The following SIGLEC9 variants were observed in gnomAD, a reference collection of about 807,000 sequenced individuals.
SIGLEC9 encodes sialic acid-binding Ig-like lectin 9.
Under a neutral mutation model 38.3 loss-of-function variants are expected in SIGLEC9, and 26 were observed. The observed-to-expected ratio is 0.68, with a 90% CI of 0.50 to 0.94. The LOEUF (loss-of-function observed/expected upper bound fraction) is 0.94. Among genes scored for constraint, SIGLEC9 ranks in the 40% least tolerant of loss-of-function variants. The pLI is 0.00. For synonymous variants in SIGLEC9, 236 were observed against 248.0 expected (o/e 0.95, Z 0.45); for missense variants, 556 against 585.7 (o/e 0.95, Z 0.52).
chr19:51,124,266 C>T (rs537430056), upstream of SIGLEC9, among the ~76,000 whole-genome samples: 2 of 152,288 alleles, frequency 1.3e-5, no homozygotes, highest in African/African-American at 4.8e-5. Context: ...TGTATCAACA[C>T]ATAGAATCCT....
Position 51,125,398 on chromosome 19 carries a change from A to T in SIGLEC9, c.421+3A>T, listed in dbSNP as rs770577253. 6 of 1,576,580 alleles carry T rather than the reference A, an allele frequency of 3.8e-6. No homozygotes were observed. In the African/African-American group the frequency reaches 6.7e-5, roughly 18 times the overall value. ...CCGGCTCTCTGTGAATGTGACAGGT[A>T]AGGCACAGGCTCCAGGAAAGGCCAC... is the stretch of plus-strand genomic sequence containing the variant. On this transcript the variant is annotated splice_donor_region_variant and intron_variant, in intron 1 of 6. Transcript: ENST00000250360.
Position 51,127,284 on chromosome 19 carries a change from G to A in SIGLEC9, c.1003G>A (p.Val335Ile), listed in dbSNP as rs777687821. 11 of 1,611,288 alleles carry A rather than the reference G, an allele frequency of 6.8e-6. No homozygotes were observed. Among genetic ancestry groups the A allele is most frequent in the Middle Eastern group, 1.6e-4 (1 of 6,068 alleles). Residue 335 changes from valine (V) to isoleucine (I), a missense_variant, in exon 4 of 7, where the codon GTC becomes ATC. Coordinates refer to ENST00000250360, the MANE Select transcript of SIGLEC9 (RefSeq NM_014441.3). Reference protein sequence around the residue: ...PLGSQQVYLNVSLQSKATSGV... With the variant: ...PLGSQQVYLNISLQSKATSGV... ...CGGCTCTCAGCAGGTCTACCTGAACGTCTCCCTGCAGAGTGAGTGCACCAG... is the reference window on the plus strand; with the variant it reads ...CGGCTCTCAGCAGGTCTACCTGAACATCTCCCTGCAGAGTGAGTGCACCAG...
downstream of SIGLEC9, among the ~76,000 whole-genome samples, chr19:51,135,017 C>T (rs187202958): frequency 1.2e-4 from 19 of 152,276 alleles, no homozygotes; most frequent in African/African-American, 4.6e-4. Flanking sequence ...GTCTCCTCTG[C>T]GTCTCATGCT....
At chr19:51,123,685 A>G (rs273685), upstream of SIGLEC9, among the ~76,000 whole-genome samples, 19,027 of 152,090 alleles carry the variant, frequency 0.13, 3,989 homozygotes, top group African/African-American at 0.44. Context: ...GTGTTGCGGC[A>G]TCCCCAGTGT....
chr19:51,129,501 A>C (rs375511640), intron 6 of SIGLEC9, among the ~76,000 whole-genome samples: 104 of 151,994 alleles, frequency 6.8e-4, no homozygotes, highest in Middle Eastern at 6.8e-3. Context: ...CTAGGGCAAG[A>C]ACAAGGGTGA....
intron 6 of SIGLEC9, chr19:51,129,062 A>G (rs2091997715): frequency 6.5e-6 from 1 of 152,838 alleles, no homozygotes; most frequent in African/African-American, 2.4e-5. Flanking sequence ...GATATGACTC[A>G]GATACTGTAG....
Position 51,125,760 on chromosome 19 carries a change from C to T in SIGLEC9, c.585C>T (p.Ser195=), listed in dbSNP as rs1171315201. The change falls in exon 2 of 7, where the codon TCC becomes TCT. Residue 195 remains serine (S), a synonymous_variant. Coordinates refer to ENST00000250360, the MANE Select transcript of SIGLEC9 (RefSeq NM_014441.3). ...VSPLDPSTTR[S]SVLTLIPQPQ... Reference sequence around the variant, plus strand: ...CCCTGGACCCCTCCACCACCCGCTCCTCGGTGCTCACCCTCATCCCACAGC... The same window carrying T: ...CCCTGGACCCCTCCACCACCCGCTCTTCGGTGCTCACCCTCATCCCACAGC... 1.2e-6 allele frequency: 2 copies of T among 1,613,968 alleles called. No homozygotes were observed. Among genetic ancestry groups the T allele is most frequent in the African/African-American group, 2.7e-5 (2 of 74,902 alleles).
upstream of SIGLEC9, among the ~76,000 whole-genome samples, chr19:51,124,137 CT>C (rs1488257216): frequency 1.3e-5 from 2 of 152,178 alleles, no homozygotes; most frequent in African/African-American, 4.8e-5. Flanking sequence ...AATATCTTCC[CT>C]TTTGAAATCT....
At position 51,126,998 on chromosome 19, in the gene SIGLEC9, A is replaced by G. The variant is rs200145753; in HGVS notation, c.749-32A>G. On this transcript the variant is annotated intron_variant, in intron 3 of 6. Transcript: ENST00000250360. The stretch of plus-strand genomic sequence containing the variant: ...CCTTCCTTTTTCTCCAGATCTATGT[A>G]TCTCTCTGACCCTCTGTCTCTTTTT... 72 of 1,600,546 alleles carry G rather than the reference A, an allele frequency of 4.5e-5. No homozygotes were observed. The East Asian group carries it at 1.5e-3, about 34-fold the overall frequency.
chr19:51,120,350 C>G (rs529501072), upstream of SIGLEC9: 7 of 152,360 alleles, frequency 4.6e-5, no homozygotes, highest in South Asian at 2.1e-4. This position sits in a 1 kb window ranked among gnomAD's most constrained non-coding sequence, Gnocchi z 4.1. Context: ...AGGAAAGTCC[C>G]AGAAAAGGAG....
At chr19:51,129,644 G>A (rs1449796258) in intron 6 of SIGLEC9, among the ~76,000 whole-genome samples, 1 of 152,026 alleles carries the variant, frequency 6.6e-6, no homozygotes, top group Non-Finnish European at 1.5e-5. Flanking sequence ...CTGCCTCCTA[G>A]GTTCAAGCGA....
At chr19:51,127,913 T>G in intron 4 of SIGLEC9, 36 bp from the exon 5 acceptor site, 31 of 1,347,120 alleles carry the variant, frequency 2.3e-5, no homozygotes, top group Non-Finnish European at 3.3e-5. Context: ...CAATTCTCTA[T>G]GATATATCAC....
At chr19:51,120,727 G>T, upstream of SIGLEC9, 2 of 192,896 alleles carry the variant, frequency 1.0e-5, no homozygotes, top group South Asian at 2.2e-4. This position sits in a 1 kb window ranked among gnomAD's most constrained non-coding sequence, Gnocchi z 4.1. Context: ...GAGCTGGTGT[G>T]ACCATGGGGA....
upstream of SIGLEC9, among the ~76,000 whole-genome samples, chr19:51,124,324 C>A (rs185769338): frequency 2.4e-4 from 37 of 152,214 alleles, no homozygotes; most frequent in Non-Finnish European, 4.7e-4. Context: ...TGAGATTGAA[C>A]CCCTGACCTA....
downstream of SIGLEC9, among the ~76,000 whole-genome samples, chr19:51,131,609 A>G (rs2092015631): frequency 6.7e-6 from 1 of 149,480 alleles, no homozygotes; most frequent in South Asian, 2.1e-4. Context: ...AAATAAATAA[A>G]TAAATAAGTA....
rs1216871783 is a variant in SIGLEC9 at position 51,128,034 on chromosome 19, C to T, written c.1101C>T (p.Phe367=). Residue 367 remains phenylalanine (F), a synonymous_variant, in exon 5 of 7, where the codon TTC becomes TTT. Transcript: ENST00000250360. ...ALVFLSFCVI[F]VVVRSCRKKS... Reference sequence around the variant, plus strand: ...TCTTCCTGTCCTTCTGCGTCATCTTCGTTGTGTAAGCATGGACCCTAGAGA... The same window carrying T: ...TCTTCCTGTCCTTCTGCGTCATCTTTGTTGTGTAAGCATGGACCCTAGAGA... 3.1e-6 allele frequency: 5 copies of T among 1,612,840 alleles called. No homozygotes were observed. The highest frequency in any genetic ancestry group is 4.2e-6 in the Non-Finnish European group (5 of 1,178,876).
chr19:51,125,860 C>A lies in SIGLEC9; in HGVS notation c.685C>A (p.His229Asn). ...GASVTTNKTV[H>N]LNVSYPPQNL... ...CAGCGTGACCACGAACAAGACCGTC[C>A]ATCTCAACGTGTCCTGTGAGTGCTG... Residue 229 changes from histidine to asparagine, a missense_variant, in exon 2 of 7, where the codon CAT becomes AAT. Transcript: ENST00000250360. The A allele has an allele frequency of 6.2e-7, 1 of 1,614,152 alleles. No homozygotes were observed. Among genetic ancestry groups the A allele is most frequent in the South Asian group, 1.1e-5 (1 of 91,080 alleles).
Position 51,125,087 on chromosome 19 carries a change from A to C in SIGLEC9, c.113A>C (p.His38Pro), listed in dbSNP as rs1158158101. The change falls in exon 1 of 7, where the codon CAT becomes CCT. Residue 38 changes from histidine (H) to proline (P), a missense_variant. His to Pro is a moderately conservative substitution (Grantham distance 77). Transcript: ENST00000250360. The part of the protein sequence containing the change: ...SVTVQEGLCV[H>P]VPCSFSYPSH... ...ACGGTGCAGGAAGGCCTGTGTGTCC[A>C]TGTGCCCTGCTCCTTCTCCTACCCC... The C allele has an allele frequency of 6.2e-7, 1 of 1,613,936 alleles. No homozygotes were observed. The highest frequency in any genetic ancestry group is 1.1e-5 in the South Asian group (1 of 91,084).
At chr19:51,134,676 C>T (rs1428958478), downstream of SIGLEC9, among the ~76,000 whole-genome samples, 1 of 152,100 alleles carries the variant, frequency 6.6e-6, no homozygotes, top group East Asian at 1.9e-4. Context: ...TTTCAAAGAA[C>T]CAACTTTGGG....
Sources: allele counts gnomAD v4.1 joint callset (sites outside exome capture counted in the v4.1 genomes callset), GRCh38; gene constraint gnomAD v4.1.1; non-coding constraint Gnocchi (gnomAD v3.1); transcripts MANE v1.5; gene names NCBI Gene and HGNC (gene_info 2026-07-23, HGNC 2026-07-21).